The following CEP85L variants were observed in gnomAD, a reference collection of about 807,000 sequenced individuals.
The protein encoded by CEP85L is centrosomal protein 85L.
In CEP85L, 60 loss-of-function variants were observed where a neutral mutation model predicts 100.3. The ratio of observed to expected loss-of-function variants is 0.60; its 90% CI spans 0.49 to 0.74. The LOEUF is 0.74. Among genes scored for constraint, CEP85L ranks in the 30% least tolerant of loss-of-function variants. The probability of loss-of-function intolerance (pLI) is 0.00; values close to 1 mark genes in which losing one functional copy is unlikely to be tolerated. For synonymous variants in CEP85L, 319 were observed against 322.7 expected (o/e 0.99, Z 0.12); for missense variants, 973 against 936.2 (o/e 1.04, Z -0.51).
chr6:118,633,684 A>G (rs1367413527), intron 1 of CEP85L, among the ~76,000 whole-genome samples: 1 of 152,212 alleles, frequency 6.6e-6, no homozygotes, highest in Non-Finnish European at 1.5e-5. Context: ...ACCAGTGCCA[A>G]TCTGTACTAT....
chr6:118,575,817 T>A (rs1235404417), intron 2 of CEP85L, among the ~76,000 whole-genome samples: 1 of 151,654 alleles, frequency 6.6e-6, no homozygotes, highest in Non-Finnish European at 1.5e-5. Context: ...GAAAAACTAA[T>A]GAGTAAACCC....
At chr6:118,492,347 T>G (rs1774630287) in intron 5 of CEP85L, among the ~76,000 whole-genome samples, 1 of 152,132 alleles carries the variant, frequency 6.6e-6, no homozygotes, top group Admixed American at 6.6e-5. Context: ...TTTCTCTAAC[T>G]AGAAAGTAAG....
At chr6:118,558,654 C>CAG (rs1376671743) in intron 3 of CEP85L, among the ~76,000 whole-genome samples, 12 of 131,546 alleles carry the variant, frequency 9.1e-5, no homozygotes, top group Admixed American at 2.9e-4. Flanking sequence ...CACACACACA[C>CAG]ACACACAGAG....
intron 2 of CEP85L, among the ~76,000 whole-genome samples, chr6:118,615,225 T>C (rs1479336439): frequency 2.6e-5 from 4 of 152,198 alleles, no homozygotes. Context: ...AAGACTTTTT[T>C]TGTATTCTTT....
intron 2 of CEP85L, among the ~76,000 whole-genome samples, chr6:118,580,972 G>A (rs933782534): frequency 3.3e-5 from 5 of 152,036 alleles, no homozygotes; most frequent in African/African-American, 1.2e-4. Flanking sequence ...TCTCTCTACC[G>A]CTTGTCTGAG....
intron 1 of CEP85L, among the ~76,000 whole-genome samples, chr6:118,659,479 C>T (rs550503547): frequency 2.6e-5 from 4 of 152,156 alleles, no homozygotes; most frequent in East Asian, 1.9e-4. Flanking sequence ...ATTTATACTG[C>T]GAAAGATAGC....
chr6:118,468,367 T>G (rs1772690376), intron 12 of CEP85L, among the ~76,000 whole-genome samples: 1 of 152,224 alleles, frequency 6.6e-6, no homozygotes, highest in African/African-American at 2.4e-5. Context: ...ATGGTCTTAC[T>G]GCATTCCTAT....
chr6:118,679,590 ATG>A (rs1415390775), intron 1 of CEP85L, among the ~76,000 whole-genome samples: 107 of 152,338 alleles, frequency 7.0e-4, no homozygotes, highest in Non-Finnish European at 1.8e-4. Flanking sequence ...CAGTCTACTT[ATG>A]CAATGCTAGT....
chr6:118,621,640 C>T (rs1392339457), intron 2 of CEP85L, among the ~76,000 whole-genome samples: 1 of 152,116 alleles, frequency 6.6e-6, no homozygotes, highest in Non-Finnish European at 1.5e-5. Flanking sequence ...TCTAGCTAAT[C>T]GAGGGTACAA....
intron 2 of CEP85L, among the ~76,000 whole-genome samples, chr6:118,609,209 A>T (rs186210886): frequency 2.6e-4 from 39 of 152,338 alleles, no homozygotes; most frequent in African/African-American, 9.4e-4. Context: ...CATAGAACAC[A>T]TTAATAACAC....
intron 1 of CEP85L, among the ~76,000 whole-genome samples, chr6:118,683,017 A>C (rs1419295206): frequency 6.6e-6 from 1 of 152,164 alleles, no homozygotes; most frequent in Non-Finnish European, 1.5e-5. Flanking sequence ...AAGGAAGACA[A>C]GTTTTTATCA....
At chr6:118,580,440 AAAATC>A (rs1203435503) in intron 2 of CEP85L, among the ~76,000 whole-genome samples, 5 of 152,166 alleles carry the variant, frequency 3.3e-5, no homozygotes, top group Non-Finnish European at 2.9e-5. Flanking sequence ...CCTCTATTTT[AAAATC>A]AAATCAAATC....
At chr6:118,654,443 C>A (rs1775707143), upstream of CEP85L, among the ~76,000 whole-genome samples, 1 of 152,082 alleles carries the variant, frequency 6.6e-6, no homozygotes, top group Non-Finnish European at 1.5e-5. Flanking sequence ...TCCTAAAGAA[C>A]TATTGCTACT....
chr6:118,478,535 AAAAAG>A (rs1181446215), intron 10 of CEP85L, among the ~76,000 whole-genome samples: 3 of 152,130 alleles, frequency 2.0e-5, no homozygotes, highest in African/African-American at 7.2e-5. Context: ...GCTAAGAACA[AAAAAG>A]AAAAGAAAAC....
At chr6:118,506,536 A>G (rs1775669395) in intron 5 of CEP85L, among the ~76,000 whole-genome samples, 1 of 152,202 alleles carries the variant, frequency 6.6e-6, no homozygotes, top group South Asian at 2.1e-4. Flanking sequence ...AGGTAACCCT[A>G]AGCCTTTTGC....
At chr6:118,501,572 G>A (rs1476626474) in intron 5 of CEP85L, 4 of 536,060 alleles carry the variant, frequency 7.5e-6, no homozygotes, top group Admixed American at 2.2e-5. Flanking sequence ...CAAGAACAGT[G>A]AAGAACTAAC....
At chr6:118,590,607 G>A (rs1781132261) in intron 2 of CEP85L, among the ~76,000 whole-genome samples, 1 of 152,066 alleles carries the variant, frequency 6.6e-6, no homozygotes, top group African/African-American at 2.4e-5. Context: ...GCCTCCTCCA[G>A]CCTCCTAATA....
chr6:118,690,110 G>A (rs1426550120), intron 1 of CEP85L, among the ~76,000 whole-genome samples: 1 of 152,046 alleles, frequency 6.6e-6, no homozygotes, highest in African/African-American at 2.4e-5. Context: ...TATCCCTGAA[G>A]CAGTCTTGGC....
chr6:118,683,443 G>A (rs1422622686), intron 1 of CEP85L, among the ~76,000 whole-genome samples: 1 of 152,130 alleles, frequency 6.6e-6, no homozygotes, highest in Non-Finnish European at 1.5e-5. Flanking sequence ...TGCATTGTAA[G>A]GAGTCATTTG....
Sources: allele counts gnomAD v4.1 joint callset (sites outside exome capture counted in the v4.1 genomes callset), GRCh38; gene constraint gnomAD v4.1.1; transcripts MANE v1.5; gene names NCBI Gene and HGNC (gene_info 2026-07-23, HGNC 2026-07-21).